The following FUT8 variants were observed in gnomAD, a reference collection of about 807,000 sequenced individuals.
The protein encoded by FUT8 is alpha-(1,6)-fucosyltransferase.
In FUT8, 29 loss-of-function variants were observed where a neutral mutation model predicts 71.3. The ratio of observed to expected loss-of-function variants is 0.41; its 90% CI spans 0.30 to 0.55. FUT8 has a LOEUF of 0.55. FUT8 is among the 20% of genes least tolerant of loss of function. The probability of loss-of-function intolerance (pLI) is 0.34; values close to 1 mark genes in which losing one functional copy is unlikely to be tolerated. For synonymous variants in FUT8, 254 were observed against 239.3 expected (o/e 1.06, Z -0.57); for missense variants, 544 against 702.1 (o/e 0.77, Z 2.55).
intron 6 of FUT8, among the ~76,000 whole-genome samples, chr14:65,636,800 C>T (rs922671916): frequency 1.3e-5 from 2 of 152,112 alleles, no homozygotes; most frequent in African/African-American, 4.8e-5. Context: ...ATTGAAAAGG[C>T]ACTTTGGGCA....
chr14:65,537,815 T>C (rs1849409466), intron 2 of FUT8, among the ~76,000 whole-genome samples: 1 of 152,214 alleles, frequency 6.6e-6, no homozygotes, highest in South Asian at 2.1e-4. Context: ...GGGGCTTTGA[T>C]TGTGGTATAA....
chr14:65,588,741 G>T (rs1047028769), intron 3 of FUT8, among the ~76,000 whole-genome samples: 3 of 152,098 alleles, frequency 2.0e-5, no homozygotes, highest in African/African-American at 7.2e-5. Flanking sequence ...GCAAGAGAAA[G>T]ACCACATTCA....
chr14:65,565,356 A>G (rs1886135973), intron 3 of FUT8, among the ~76,000 whole-genome samples: 1 of 151,812 alleles, frequency 6.6e-6, no homozygotes. Flanking sequence ...AGGACAAACC[A>G]CATCCAAATC....
At chr14:65,554,426 A>C (rs991076915) in intron 2 of FUT8, among the ~76,000 whole-genome samples, 1 of 89,772 alleles carries the variant, frequency 1.1e-5, no homozygotes, top group Non-Finnish European at 2.4e-5. Flanking sequence ...ATATATCTAT[A>C]TATATATTAT....
At chr14:65,463,767 C>T (rs2066001343) in intron 2 of FUT8, among the ~76,000 whole-genome samples, 1 of 152,100 alleles carries the variant, frequency 6.6e-6, no homozygotes, top group African/African-American at 2.4e-5. Flanking sequence ...GTTTTGGAGT[C>T]AGTATACTTA....
At chr14:65,678,206 G>T (rs1420646570) in intron 7 of FUT8, among the ~76,000 whole-genome samples, 1 of 152,174 alleles carries the variant, frequency 6.6e-6, no homozygotes, top group Non-Finnish European at 1.5e-5. Flanking sequence ...TTTCAGCAGG[G>T]CTTCTTTTAA....
upstream of FUT8, chr14:65,411,308 A>G (rs1165249607): frequency 6.6e-6 from 1 of 152,210 alleles, no homozygotes; most frequent in Non-Finnish European, 1.5e-5. Flanking sequence ...ACAGGGAGAT[A>G]ATCATAAAAA....
chr14:65,435,727 G>A (rs1418130135), intron 1 of FUT8, among the ~76,000 whole-genome samples: 3 of 151,194 alleles, frequency 2.0e-5, no homozygotes, highest in African/African-American at 7.3e-5. Flanking sequence ...TTCCACCAAC[G>A]ATGTTTGAGA....
At chr14:65,381,427 T>A in the FUT8 span, among the ~76,000 whole-genome samples, 21,081 of 152,214 alleles carry the variant, frequency 0.14, 2,094 homozygotes, top group East Asian at 0.54. Context: ...GACAAAGTGG[T>A]CCTAATTTTT....
chr14:65,467,727 G>C lies in FUT8; in HGVS notation c.-228+12009G>C. ...CTGACCTCATGGTCTGCCCGCCTCA[G>C]CCTCCCAAAGTGCTGGGATTACAGG... On this transcript the variant is annotated intron_variant, in intron 2 of 10. Coordinates refer to ENST00000673929, the MANE Select transcript of FUT8 (RefSeq NM_001371533.1). The surrounding 1 kb of genome is among the most constrained non-coding windows in gnomAD (Gnocchi z 4.1). The C allele has an allele frequency of 2.1e-6, 1 of 465,696 alleles. No homozygotes were observed. The highest frequency in any genetic ancestry group is 4.0e-6 in the Non-Finnish European group (1 of 247,646). 28.8% of individuals were successfully genotyped at this position (465,696 alleles called of 1,614,324 possible).
chr14:65,624,186 C>T lies in FUT8; in HGVS notation c.483-5306C>T, dbSNP rs369746940. On this transcript the variant is annotated intron_variant, in intron 5 of 10. Coordinates refer to ENST00000673929, the MANE Select transcript of FUT8 (RefSeq NM_001371533.1). ...GGTCTCCAACAGAGAGGCCGAGAAA[C>T]AAAAGATTTTAAAAACAAGCTTAAT... Among the ~76,000 whole-genome samples, 4 of 151,906 alleles carry T rather than the reference C, an allele frequency of 2.6e-5. No homozygotes were observed. In the East Asian group the frequency reaches 7.7e-4, roughly 29 times the overall value.
the FUT8 span, among the ~76,000 whole-genome samples, chr14:65,372,648 C>A: frequency 1.3e-5 from 2 of 152,116 alleles, no homozygotes; most frequent in Admixed American, 1.3e-4. Context: ...AACTCCTGAG[C>A]TGGGGCAATC....
intron 1 of FUT8, among the ~76,000 whole-genome samples, chr14:65,447,294 A>ATC (rs2065757010): frequency 1.3e-5 from 2 of 151,046 alleles, no homozygotes; most frequent in Non-Finnish European, 1.5e-5. Context: ...ACTCTCTCAA[A>ATC]AAAAAAAAAA....
chr14:65,450,357 ATAACT>A (rs1426895204), intron 1 of FUT8, among the ~76,000 whole-genome samples: 14 of 152,048 alleles, frequency 9.2e-5, no homozygotes, highest in African/African-American at 3.1e-4. Flanking sequence ...TATCATGGAG[ATAACT>A]TAAGATGTTT....
intron 2 of FUT8, among the ~76,000 whole-genome samples, chr14:65,470,557 C>T (rs971906843): frequency 6.6e-6 from 1 of 152,204 alleles, no homozygotes; most frequent in African/African-American, 2.4e-5. Flanking sequence ...GGGGTGACAT[C>T]GCCGGGAGCT....
At chr14:65,421,285 T>C (rs1435863044) in intron 1 of FUT8, among the ~76,000 whole-genome samples, 1 of 151,718 alleles carries the variant, frequency 6.6e-6, no homozygotes, top group Non-Finnish European at 1.5e-5. Context: ...GCCTTTATCC[T>C]CATTGTCTCC....
rs546268291 is a variant in FUT8, at chr14:65,468,069, T to G, written c.-228+12351T>G. On this transcript the variant is annotated intron_variant, in intron 2 of 10. Transcript: ENST00000673929. ...GCCCTTAACTTGTTTGTTGACAAGT[T>G]GTTTACAATACCAACAGCATGCTGA... The G allele has an allele frequency of 2.3e-5, 15 of 651,856 alleles. 1 individual carries two copies. The highest frequency in any genetic ancestry group is 2.2e-4 in the South Asian group (14 of 64,438). The allele number at this position is 651,856 out of a possible 1,614,324, so 40.4% of individuals were successfully genotyped here.
At chr14:65,464,258 G>GT (rs1566763367) in intron 2 of FUT8, among the ~76,000 whole-genome samples, 6 of 80,964 alleles carry the variant, frequency 7.4e-5, no homozygotes, top group African/African-American at 2.5e-4. Flanking sequence ...CAGTACTTTG[G>GT]GTTTTTTTTT....
the FUT8 span, among the ~76,000 whole-genome samples, chr14:65,387,733 C>T: frequency 6.6e-6 from 1 of 152,174 alleles, no homozygotes; most frequent in Admixed American, 6.6e-5. Context: ...ATTATAGGTT[C>T]ACCTGATTTG....
Sources: gnomAD v4.1 joint callset for allele counts (sites outside exome capture counted in the v4.1 genomes callset) on GRCh38, gnomAD v4.1.1 for gene constraint, Gnocchi (gnomAD v3.1) non-coding constraint, MANE v1.5 for transcripts, NCBI Gene and HGNC (gene_info 2026-07-23, HGNC 2026-07-21) for gene names.